Variants in MKLN1 observed in about 807,000 individuals in gnomAD.
MKLN1 encodes muskelin.
Under a neutral mutation model 99.0 loss-of-function variants are expected in MKLN1, and 18 were observed. The ratio of observed to expected loss-of-function variants is 0.18; its 90% CI spans 0.13 to 0.27. MKLN1 has a LOEUF of 0.27. MKLN1 is among the 10% of genes least tolerant of loss of function. MKLN1 has a pLI of 1.00. For missense variants in MKLN1, 621 were observed against 875.9 expected (o/e 0.71, Z 3.67); for synonymous variants, 288 against 293.2 (o/e 0.98, Z 0.18).
At chr7:131,341,168 ATT>A (rs995288548) in intron 1 of MKLN1, among the ~76,000 whole-genome samples, 1 of 145,662 alleles carries the variant, frequency 6.9e-6, no homozygotes. Flanking sequence ...TTGTTGGTTG[ATT>A]TTTTTTTTTA....
chr7:131,307,187 G>A (rs1798480717), intron 3 of MKLN1, among the ~76,000 whole-genome samples: 1 of 152,186 alleles, frequency 6.6e-6, no homozygotes, highest in East Asian at 1.9e-4. Flanking sequence ...GCCTGTAGGT[G>A]TGCAGAAGGC....
At chr7:131,122,764 G>A (rs533483186) in intron 1 of MKLN1, among the ~76,000 whole-genome samples, 3 of 152,186 alleles carry the variant, frequency 2.0e-5, no homozygotes, top group East Asian at 3.9e-4. Context: ...GCTCATGCCT[G>A]TAATCCCAGT....
chr7:131,171,620 C>T (rs1796217606), intron 2 of MKLN1, among the ~76,000 whole-genome samples: 1 of 152,066 alleles, frequency 6.6e-6, no homozygotes, highest in Non-Finnish European at 1.5e-5. Context: ...CCATGGCCAG[C>T]TAACTTTTTG....
At chr7:131,364,994 G>A (rs1584655017) in intron 1 of MKLN1, among the ~76,000 whole-genome samples, 1 of 152,164 alleles carries the variant, frequency 6.6e-6, no homozygotes, top group South Asian at 2.1e-4. Context: ...TAATGGGATT[G>A]CTGGGTTGAA....
At chr7:131,147,498 G>A (rs1795832182) in intron 2 of MKLN1, among the ~76,000 whole-genome samples, 1 of 152,114 alleles carries the variant, frequency 6.6e-6, no homozygotes, top group African/African-American at 2.4e-5. Flanking sequence ...GCTCCCCAGG[G>A]TCATATAGCT....
chr7:131,297,200 A>G (rs973654414), intron 3 of MKLN1, among the ~76,000 whole-genome samples: 1 of 152,034 alleles, frequency 6.6e-6, no homozygotes, highest in African/African-American at 2.4e-5. Context: ...TCTCTACTAA[A>G]AATATAAAAA....
At chr7:131,415,435 A>T (rs1350549663) in intron 8 of MKLN1, among the ~76,000 whole-genome samples, 1 of 152,160 alleles carries the variant, frequency 6.6e-6, no homozygotes, top group African/African-American at 2.4e-5. Flanking sequence ...CTCATATTCT[A>T]AAATAATTAA....
chr7:131,444,165 C>T (rs956411875), intron 11 of MKLN1, among the ~76,000 whole-genome samples: 1 of 152,058 alleles, frequency 6.6e-6, no homozygotes, highest in African/African-American at 2.4e-5. Flanking sequence ...GCCTGGCCAA[C>T]ATGGCGAAAC....
At chr7:131,169,219 A>G (rs1355050967) in intron 2 of MKLN1, among the ~76,000 whole-genome samples, 2 of 152,218 alleles carry the variant, frequency 1.3e-5, no homozygotes, top group Non-Finnish European at 2.9e-5. Context: ...CTATGTCCTT[A>G]GCCAATACAC....
At chr7:131,444,718 G>GAGTAGTAGTAGTAGT (rs60571380) in intron 11 of MKLN1, among the ~76,000 whole-genome samples, 4 of 128,750 alleles carry the variant, frequency 3.1e-5, no homozygotes, top group Non-Finnish European at 4.9e-5. Flanking sequence ...CCTGGGTTTT[G>GAGTAGTAGTAGTAGT]AGTAGTAGTA....
chr7:131,487,946 T>C lies in MKLN1; in HGVS notation c.*218T>C, dbSNP rs550912918. ...CTAAATTAGGCTAATAAAGTGAAAT[T>C]GGTATACTTTCCAGTTAAATATATA... On this transcript the variant is annotated 3_prime_UTR_variant, in exon 18 of 18. Transcript: ENST00000352689. The surrounding 1 kb of genome is among the most constrained non-coding windows in gnomAD (Gnocchi z 4.7). The C allele has an allele frequency of 7.1e-6, 2 of 281,620 alleles. No individual in the cohort carries two copies. Among genetic ancestry groups the C allele is most frequent in the South Asian group, 1.6e-4 (1 of 6,450 alleles). The allele number at this position is 281,620 out of a possible 1,614,324, so 17.4% of individuals were successfully genotyped here.
chr7:131,415,982 G>A (rs556307345), intron 8 of MKLN1, among the ~76,000 whole-genome samples: 2 of 151,996 alleles, frequency 1.3e-5, no homozygotes, highest in Non-Finnish European at 2.9e-5. Flanking sequence ...TTAAAATAGA[G>A]ATGAGGTTTT....
At chr7:131,272,795 C>T (rs1372980640) in intron 3 of MKLN1, among the ~76,000 whole-genome samples, 1 of 152,130 alleles carries the variant, frequency 6.6e-6, no homozygotes, top group Non-Finnish European at 1.5e-5. Flanking sequence ...GAGACTTATT[C>T]ACTATCACGA....
At chr7:131,120,560 AAAAAAG>A (rs1563221435) in intron 1 of MKLN1, among the ~76,000 whole-genome samples, 1 of 145,758 alleles carries the variant, frequency 6.9e-6, no homozygotes, top group Non-Finnish European at 1.5e-5. Context: ...AAAAAAAAAA[AAAAAAG>A]AAAAAAGAAA....
At chr7:131,485,232 G>A (rs2116702915) in intron 17 of MKLN1, among the ~76,000 whole-genome samples, 1 of 152,156 alleles carries the variant, frequency 6.6e-6, no homozygotes, top group African/African-American at 2.4e-5. Context: ...GACAATATGA[G>A]TATCAGAATG....
intron 3 of MKLN1, among the ~76,000 whole-genome samples, chr7:131,208,280 G>A (rs1796849271): frequency 6.6e-6 from 1 of 152,118 alleles, no homozygotes; most frequent in African/African-American, 2.4e-5. Flanking sequence ...TTCTTTCACT[G>A]GCAAAGAATT....
At chr7:131,217,749 T>C (rs1465282848) in intron 3 of MKLN1, among the ~76,000 whole-genome samples, 1 of 152,168 alleles carries the variant, frequency 6.6e-6, no homozygotes, top group Admixed American at 6.5e-5. Flanking sequence ...AAAAGAGTGT[T>C]AGTTTGAAGA....
chr7:131,133,596 C>T (rs911977940), intron 1 of MKLN1, among the ~76,000 whole-genome samples: 3 of 151,090 alleles, frequency 2.0e-5, no homozygotes, highest in African/African-American at 7.3e-5. Flanking sequence ...TCGTGATCCG[C>T]CCGCCTCGGC....
At chr7:131,273,493 C>A (rs947237324) in intron 3 of MKLN1, among the ~76,000 whole-genome samples, 1 of 152,148 alleles carries the variant, frequency 6.6e-6, no homozygotes, top group Non-Finnish European at 1.5e-5. Flanking sequence ...TCTGCCAGGT[C>A]CCTTGGCATT....
Sources: allele counts gnomAD v4.1 joint callset (sites outside exome capture counted in the v4.1 genomes callset), GRCh38; gene constraint gnomAD v4.1.1; non-coding constraint Gnocchi (gnomAD v3.1); transcripts MANE v1.5; gene names NCBI Gene and HGNC (gene_info 2026-07-23, HGNC 2026-07-21).